Variants in NOL10 observed in about 807,000 individuals in gnomAD.
NOL10 encodes the protein nucleolar protein 10, also known as H_NH0074G24.1.
NOL10 carries 58 observed loss-of-function variants against 103.5 expected under a neutral mutation model. The ratio of observed to expected loss-of-function variants is 0.56; its 90% confidence interval spans 0.45 to 0.70. The LOEUF (loss-of-function observed/expected upper bound fraction) is 0.70, where lower values mean the gene tolerates loss of function less well. Among genes scored for constraint, NOL10 ranks in the 30% least tolerant of loss-of-function variants. The pLI is 0.00. For synonymous variants in NOL10, 287 were observed against 282.5 expected, an observed-to-expected ratio of 1.02 and a Z score of -0.16; for missense variants, 763 against 807.3, an observed-to-expected ratio of 0.95 and a Z score of 0.67.
chr2:10,603,450 T>C (rs1320912344), intron 14 of NOL10, among the ~76,000 whole-genome samples: 1 of 152,204 alleles, frequency 6.6e-6, no homozygotes, highest in Non-Finnish European at 1.5e-5. Context: ...ATTTTTTATT[T>C]CCACAAACAA....
intron 13 of NOL10, among the ~76,000 whole-genome samples, chr2:10,613,112 A>G (rs1429859081): frequency 6.6e-6 from 1 of 152,132 alleles, no homozygotes; most frequent in Non-Finnish European, 1.5e-5. Flanking sequence ...TAAAACTGAA[A>G]CCATGAAATG....
At chr2:10,576,027 T>G (rs777930841) in intron 20 of NOL10, among the ~76,000 whole-genome samples, 1 of 152,170 alleles carries the variant, frequency 6.6e-6, no homozygotes, top group Admixed American at 6.6e-5. Flanking sequence ...TGGATGCACG[T>G]TGGGAAAATT....
intron 19 of NOL10, among the ~76,000 whole-genome samples, chr2:10,587,156 TACAC>T (rs1171572022): frequency 9.3e-5 from 3 of 32,342 alleles, no homozygotes; most frequent in African/African-American, 4.7e-4. Context: ...TATACATATA[TACAC>T]ATATATACAC....
In NOL10 at chr2:10,667,224, G is replaced by T. The variant is rs148850212; in HGVS notation, c.585C>A (p.Thr195=). 41 of 1,580,996 alleles carry T rather than the reference G, an allele frequency of 2.6e-5. No individual in the cohort carries two copies. The highest frequency in any genetic ancestry group is 3.4e-5 in the Non-Finnish European group (39 of 1,161,450). ...NSVHGLFATG[T]IEGRVECWDP... ...AAAGTCAACATATGCTTACCTCTAT[G>T]GTTCCTGTGGCAAACAAGCCATGCA... Residue 195 remains threonine (T), a synonymous_variant, in exon 8 of 21, where the codon ACC becomes ACA. Coordinates refer to ENST00000381685, the MANE Select transcript of NOL10 (RefSeq NM_024894.4).
chr2:10,686,778 C>T (rs1572456455), intron 1 of NOL10, among the ~76,000 whole-genome samples: 1 of 151,562 alleles, frequency 6.6e-6, no homozygotes, highest in East Asian at 1.9e-4. Context: ...GTGTTTTTGG[C>T]ATCAACAGCT....
At chr2:10,587,146 T>C (rs1675114967) in intron 19 of NOL10, among the ~76,000 whole-genome samples, 1 of 42,540 alleles carries the variant, frequency 2.4e-5, no homozygotes, top group African/African-American at 1.1e-4. Flanking sequence ...TACACATATA[T>C]ATACATATAT....
chr2:10,675,875 C>T lies in NOL10; in HGVS notation c.212-4G>A. 2 of 1,536,186 alleles carry T rather than the reference C, an allele frequency of 1.3e-6. No individual in the cohort carries two copies. The highest frequency in any genetic ancestry group is 1.2e-5 in the South Asian group (1 of 82,200). On this transcript the variant is annotated splice_region_variant and splice_polypyrimidine_tract_variant and intron_variant, in intron 3 of 20. Coordinates refer to ENST00000381685, the MANE Select transcript of NOL10 (RefSeq NM_024894.4). Reference sequence around the variant, plus strand: ...CGAACCCGAGGTTTATATGTTCCTACAAAAAATTAATGTGATGTAAAACCT... The same window carrying T: ...CGAACCCGAGGTTTATATGTTCCTATAAAAAATTAATGTGATGTAAAACCT...
chr2:10,657,813 G>C lies in NOL10; in HGVS notation c.835C>G (p.His279Asp), dbSNP rs1195292839. The C allele has an allele frequency of 1.3e-6, 2 of 1,551,072 alleles. No homozygotes were observed. The highest frequency in any genetic ancestry group is 1.7e-6 in the Non-Finnish European group (2 of 1,146,658). ...HQYGLPIKSV[H>D]FQDSLDLILS... ...ATCAGATCTAATGAATCCTGGAAATGAACGGACTTAATGGGCAGCCCATAC... is the reference window on the plus strand; with the variant it reads ...ATCAGATCTAATGAATCCTGGAAATCAACGGACTTAATGGGCAGCCCATAC... Residue 279 changes from histidine to aspartate, a missense_variant, in exon 11 of 21, where the codon CAT becomes GAT. Coordinates refer to ENST00000381685, the MANE Select transcript of NOL10 (RefSeq NM_024894.4).
intron 13 of NOL10, among the ~76,000 whole-genome samples, chr2:10,634,221 T>G (rs2148252294): frequency 6.6e-6 from 1 of 152,318 alleles, no homozygotes; most frequent in South Asian, 2.1e-4. Flanking sequence ...GAAAGATCAG[T>G]TATCCAGTAT....
intron 2 of NOL10, 101 bp downstream of exon 2, chr2:10,684,466 C>T: frequency 2.2e-6 from 2 of 915,938 alleles, no homozygotes; most frequent in Non-Finnish European, 1.7e-6. Context: ...CTACATGTTA[C>T]CGCATTCTTA....
rs537927563 is a variant in NOL10, at chr2:10,635,296, T to C, written c.1026+9024A>G. Among the ~76,000 whole-genome samples the C allele has an allele frequency of 1.6e-3, 248 of 152,324 alleles. 2 individuals are homozygous for C. The highest frequency in any genetic ancestry group is 5.8e-3 in the African/African-American group (240 of 41,572). On this transcript the variant is annotated intron_variant, in intron 13 of 20. Transcript: ENST00000381685. ...TTTTGGAGCGTCTGCATTTCAGATT[T>C]TTGGATTATAGAGGCTCAACCTCTA... is the stretch of plus-strand genomic sequence containing the variant.
chr2:10,654,477 A>G lies in NOL10; in HGVS notation c.973+4T>C. The G allele has an allele frequency of 6.3e-7, 1 of 1,582,812 alleles. No homozygotes were observed. The highest frequency in any genetic ancestry group is 1.2e-5 in the South Asian group (1 of 86,810). ...TCACTGAACGTTCACTACAGAATGC[A>G]TACCTGAGTTGGGGTAGAGACAAAC... On this transcript the variant is annotated splice_donor_region_variant and intron_variant, in intron 12 of 20. Transcript: ENST00000381685.
At chr2:10,679,082 G>A (rs115676597) in intron 3 of NOL10, among the ~76,000 whole-genome samples, 1,630 of 151,846 alleles carry the variant, frequency 0.011, 21 homozygotes, top group African/African-American at 0.036. Context: ...TTTTTTGGCC[G>A]GGTGCGGTGG....
intron 12 of NOL10, among the ~76,000 whole-genome samples, chr2:10,646,444 T>C (rs938826593): frequency 1.3e-5 from 2 of 152,266 alleles, no homozygotes; most frequent in Non-Finnish European, 1.5e-5. Context: ...TTTCTAAAAA[T>C]GGAGGAGGAT....
chr2:10,573,655 CAAAA>C (rs561312921), intron 20 of NOL10, among the ~76,000 whole-genome samples: 3 of 124,806 alleles, frequency 2.4e-5, no homozygotes, highest in Non-Finnish European at 1.7e-5. Flanking sequence ...TTTGTAATGT[CAAAA>C]AAAAAAAAAA....
At chr2:10,642,332 G>A (rs1678752077) in intron 13 of NOL10, among the ~76,000 whole-genome samples, 1 of 152,196 alleles carries the variant, frequency 6.6e-6, no homozygotes, top group South Asian at 2.1e-4. Context: ...CTACTAGAAA[G>A]GGAGCCTGGC....
intron 13 of NOL10, among the ~76,000 whole-genome samples, chr2:10,633,011 G>A (rs1356898063): frequency 6.6e-6 from 1 of 151,948 alleles, no homozygotes; most frequent in Non-Finnish European, 1.5e-5. Context: ...CTCTATATGA[G>A]AATCATGATT....
chr2:10,611,274 AG>A (rs1676553044), intron 13 of NOL10, among the ~76,000 whole-genome samples: 1 of 152,258 alleles, frequency 6.6e-6, no homozygotes, highest in Admixed American at 6.5e-5. Flanking sequence ...ACATGCTACA[AG>A]AAGGCCACAA....
At chr2:10,642,306 C>T (rs1345655332) in intron 13 of NOL10, among the ~76,000 whole-genome samples, 1 of 152,194 alleles carries the variant, frequency 6.6e-6, no homozygotes, top group Non-Finnish European at 1.5e-5. Context: ...TATCCCAGAA[C>T]CCCAAAGAGC....
Sources: allele counts gnomAD v4.1 joint callset (sites outside exome capture counted in the v4.1 genomes callset), GRCh38; gene constraint gnomAD v4.1.1; transcripts MANE v1.5; gene names NCBI Gene and HGNC (gene_info 2026-07-23, HGNC 2026-07-21).